The following CACNA2D3 variants were observed in gnomAD, a reference collection of about 807,000 sequenced individuals.
CACNA2D3 encodes calcium voltage-gated channel auxiliary subunit alpha2delta 3.
A neutral mutation model predicts 160.6 loss-of-function variants in CACNA2D3; 60 were observed. That is an observed-to-expected ratio of 0.37 (90% CI 0.30 to 0.46). The LOEUF is 0.46. Among genes scored for constraint, CACNA2D3 ranks in the 20% least tolerant of loss-of-function variants. The pLI is 1.00. For missense variants in CACNA2D3, 1,205 were observed against 1,365.0 expected (o/e 0.88, Z 1.85); for synonymous variants, 558 against 492.9 (o/e 1.13, Z -1.75).
intron 2 of CACNA2D3, among the ~76,000 whole-genome samples, chr3:54,289,989 T>G (rs1056614775): frequency 6.6e-6 from 1 of 151,392 alleles, no homozygotes; most frequent in African/African-American, 2.4e-5. Context: ...ATTCAGGACA[T>G]AGGCATGGGC....
At chr3:54,378,453 G>A (rs977219525) in intron 3 of CACNA2D3, among the ~76,000 whole-genome samples, 7 of 152,124 alleles carry the variant, frequency 4.6e-5, no homozygotes, top group African/African-American at 1.7e-4. Context: ...ACAGGCCACC[G>A]ACCAGTACTG....
intron 2 of CACNA2D3, among the ~76,000 whole-genome samples, chr3:54,160,815 C>T (rs986759060): frequency 2.0e-5 from 3 of 152,156 alleles, no homozygotes; most frequent in Non-Finnish European, 2.9e-5. Flanking sequence ...AATGTGTCCT[C>T]ATTTTCTGTG....
At chr3:54,825,429 A>G (rs1158217267) in intron 14 of CACNA2D3, among the ~76,000 whole-genome samples, 2 of 152,188 alleles carry the variant, frequency 1.3e-5, no homozygotes, top group Non-Finnish European at 2.9e-5. Flanking sequence ...TATAGATACA[A>G]TTCTGTAGGT....
At chr3:54,277,578 T>A (rs1357389959) in intron 2 of CACNA2D3, among the ~76,000 whole-genome samples, 1 of 152,232 alleles carries the variant, frequency 6.6e-6, no homozygotes, top group Non-Finnish European at 1.5e-5. Flanking sequence ...TCCAGCTTTG[T>A]TCTTTTTGCT....
chr3:54,467,155 A>C (rs1454997956), intron 4 of CACNA2D3, among the ~76,000 whole-genome samples: 1 of 152,198 alleles, frequency 6.6e-6, no homozygotes, highest in Non-Finnish European at 1.5e-5. Flanking sequence ...ATTGCGTCAG[A>C]TGATTTGTCT....
intron 11 of CACNA2D3, among the ~76,000 whole-genome samples, chr3:54,689,708 A>C (rs1213436276): frequency 6.6e-6 from 1 of 151,934 alleles, no homozygotes; most frequent in Non-Finnish European, 1.5e-5. Flanking sequence ...CTACCTCCAG[A>C]TATGCCGACT....
chr3:54,932,608 C>T (rs1396669710), intron 27 of CACNA2D3, among the ~76,000 whole-genome samples: 2 of 152,206 alleles, frequency 1.3e-5, no homozygotes, highest in African/African-American at 4.8e-5. Context: ...CTAGAGTTTG[C>T]CTCCTCTCTC....
intron 9 of CACNA2D3, among the ~76,000 whole-genome samples, chr3:54,604,583 G>A (rs1012762906): frequency 6.6e-6 from 1 of 151,896 alleles, no homozygotes; most frequent in Non-Finnish European, 1.5e-5. Flanking sequence ...CTTCTTCCTG[G>A]AACCCACATC....
intron 11 of CACNA2D3, among the ~76,000 whole-genome samples, chr3:54,742,583 C>T (rs1701675372): frequency 6.6e-6 from 1 of 152,198 alleles, no homozygotes; most frequent in Non-Finnish European, 1.5e-5. Flanking sequence ...GCTCTGGCTT[C>T]CATGAAATGA....
At chr3:55,060,625 G>T (rs893264388) in intron 35 of CACNA2D3, among the ~76,000 whole-genome samples, 1 of 152,162 alleles carries the variant, frequency 6.6e-6, no homozygotes, top group African/African-American at 2.4e-5. Context: ...CTCCGTAAAT[G>T]TTAGCTATTA....
intron 4 of CACNA2D3, among the ~76,000 whole-genome samples, chr3:54,469,789 A>G (rs1266881676): frequency 1.3e-5 from 2 of 152,030 alleles, no homozygotes; most frequent in African/African-American, 4.8e-5. Context: ...AGCATACACA[A>G]GTATCAATAG....
chr3:54,443,248 G>A (rs1487305746), intron 4 of CACNA2D3, among the ~76,000 whole-genome samples: 1 of 151,978 alleles, frequency 6.6e-6, no homozygotes, highest in African/African-American at 2.4e-5. Context: ...GGGAATTCAG[G>A]CTAGACCAGG....
intron 27 of CACNA2D3, among the ~76,000 whole-genome samples, chr3:54,940,636 C>T (rs1226989479): frequency 5.3e-5 from 8 of 152,082 alleles, no homozygotes; most frequent in African/African-American, 1.9e-4. Context: ...GTGAACATCA[C>T]TAGTTTTCTG....
intron 31 of CACNA2D3, among the ~76,000 whole-genome samples, chr3:54,996,236 G>T (rs531555974): frequency 2.0e-5 from 3 of 152,316 alleles, no homozygotes; most frequent in African/African-American, 7.2e-5. Context: ...CAGCTCTCCT[G>T]CTTCAAATGG....
At chr3:54,465,842 C>T (rs550207015) in intron 4 of CACNA2D3, among the ~76,000 whole-genome samples, 6 of 152,182 alleles carry the variant, frequency 3.9e-5, no homozygotes, top group African/African-American at 1.2e-4. Flanking sequence ...ATTTTTCTGC[C>T]CTGGATCTCA....
Position 54,478,660 on chromosome 3 carries a change from G to GTGTATGTA in CACNA2D3, c.382-24831_382-24830insGTATGTAT. ...AAAATATATATATAAATATGTGTGTGTATATATATATATATATATTGCTTG... is the reference window on the plus strand; with the variant it reads ...AAAATATATATATAAATATGTGTGTGTGTATGTATATATATATATATATATATTGCTTG... On this transcript the variant is annotated intron_variant, in intron 4 of 37. Coordinates refer to ENST00000474759, the MANE Select transcript of CACNA2D3 (RefSeq NM_018398.3). Among the ~76,000 whole-genome samples, 15 of 36,380 alleles carry GTGTATGTA rather than the reference G, an allele frequency of 4.1e-4. 1 individual carries two copies. Among genetic ancestry groups the GTGTATGTA allele is most frequent in the African/African-American group, 1.0e-3 (14 of 13,872 alleles). The allele number at this position is 36,380 out of a possible 152,430, so 23.9% of individuals were successfully genotyped here. A position where few individuals can be genotyped will look rare whatever the true frequency, so the allele number is the denominator to read the frequency against.
chr3:54,756,320 C>A (rs1303414542), intron 12 of CACNA2D3, among the ~76,000 whole-genome samples: 1 of 152,140 alleles, frequency 6.6e-6, no homozygotes, highest in African/African-American at 2.4e-5. Flanking sequence ...GTAGCAATGC[C>A]ATCAAAATGT....
chr3:54,746,710 C>A (rs1223184573), intron 11 of CACNA2D3, among the ~76,000 whole-genome samples: 5 of 152,088 alleles, frequency 3.3e-5, no homozygotes, highest in Non-Finnish European at 7.4e-5. Flanking sequence ...AAAAGATTAC[C>A]TTCTTTTTTC....
intron 16 of CACNA2D3, among the ~76,000 whole-genome samples, chr3:54,842,775 A>G (rs1227078692): frequency 1.3e-5 from 2 of 150,614 alleles, no homozygotes; most frequent in Admixed American, 6.6e-5. Flanking sequence ...TGGTTTTTGT[A>G]TTTTTAGTAG....
Sources: gnomAD v4.1 joint callset for allele counts (sites outside exome capture counted in the v4.1 genomes callset) on GRCh38, gnomAD v4.1.1 for gene constraint, MANE v1.5 for transcripts, NCBI Gene and HGNC (gene_info 2026-07-23, HGNC 2026-07-21) for gene names.